The following SLC7A11 variants were observed in gnomAD, a reference collection of about 807,000 sequenced individuals.
SLC7A11 encodes the protein solute carrier family 7 member 11, also known as cystine/glutamate transporter.
SLC7A11 carries 35 observed loss-of-function variants against 54.5 expected under a neutral mutation model. The ratio of observed to expected loss-of-function variants is 0.64; its 90% CI spans 0.49 to 0.85. The LOEUF (loss-of-function observed/expected upper bound fraction) is 0.85, where lower values mean the gene tolerates loss of function less well. Ranked by LOEUF, SLC7A11 falls within the 40% of genes least tolerant of loss-of-function variation. The pLI is 0.00. For missense variants in SLC7A11, 583 were observed against 618.1 expected (o/e 0.94, Z 0.60); for synonymous variants, 230 against 225.2 (o/e 1.02, Z -0.19).
In SLC7A11 at chr4:138,223,183, G is replaced by T; in HGVS notation, c.646+16C>A. 2 of 1,601,708 alleles carry T rather than the reference G, an allele frequency of 1.2e-6. No homozygotes were observed. Among genetic ancestry groups the T allele is most frequent in the South Asian group, 2.2e-5 (2 of 90,220 alleles). On this transcript the variant is annotated intron_variant, in intron 4 of 11. Transcript: ENST00000280612. Reference sequence around the variant, plus strand: ...CAGATACGTATTTTAAAAAGCATTTGCTTTTCAGTCCATACCTTTAATTAG... The same window carrying T: ...CAGATACGTATTTTAAAAAGCATTTTCTTTTCAGTCCATACCTTTAATTAG...
At chr4:138,224,842 G>T (rs1016872855) in intron 3 of SLC7A11, among the ~76,000 whole-genome samples, 22 of 148,106 alleles carry the variant, frequency 1.5e-4, no homozygotes, top group Non-Finnish European at 9.0e-5. Flanking sequence ...AAGGAAGGAA[G>T]GAAGGAAGGA....
In SLC7A11 at chr4:138,236,303, ATTCT is replaced by A; in HGVS notation, c.404+18_404+21del. 1 of 1,584,842 alleles carries A rather than the reference ATTCT, an allele frequency of 6.3e-7. No individual in the cohort carries two copies. Among genetic ancestry groups the A allele is most frequent in the Non-Finnish European group, 8.5e-7 (1 of 1,170,210 alleles). On this transcript the variant is annotated intron_variant, in intron 2 of 11. Coordinates refer to ENST00000280612, the MANE Select transcript of SLC7A11 (RefSeq NM_014331.4). ...GAATGAATTGGTTTATTTTTTCTTA[ATTCT>A]TTCTACTATGCTCTTACCGTATTAT... is the stretch of plus-strand genomic sequence containing the variant.
intron 11 of SLC7A11, chr4:138,176,148 T>G (rs1369622195): frequency 6.6e-6 from 1 of 152,140 alleles, no homozygotes; most frequent in Non-Finnish European, 1.5e-5. Context: ...TACTTCCTAT[T>G]GCAGCAATAA....
chr4:138,176,447 G>A (rs1234921056), intron 11 of SLC7A11: 1 of 152,070 alleles, frequency 6.6e-6, no homozygotes, highest in Non-Finnish European at 1.5e-5. Flanking sequence ...ATTAGAGATA[G>A]AAAAATAGCA....
chr4:138,237,392 GT>G (rs897648735), intron 1 of SLC7A11, among the ~76,000 whole-genome samples: 4 of 148,046 alleles, frequency 2.7e-5, no homozygotes, highest in South Asian at 2.1e-4. Flanking sequence ...CTCTCTGGGT[GT>G]TTTTTTTTGT....
chr4:138,180,560 C>T (rs993640056), intron 10 of SLC7A11, 81 bp downstream of exon 10: 2 of 1,416,980 alleles, frequency 1.4e-6, no homozygotes, highest in African/African-American at 2.9e-5. Context: ...GCCCAACCTC[C>T]CCATCAGCAA....
At chr4:138,228,037 T>C (rs1011481266) in intron 3 of SLC7A11, among the ~76,000 whole-genome samples, 11 of 152,236 alleles carry the variant, frequency 7.2e-5, no homozygotes, top group African/African-American at 2.7e-4. Flanking sequence ...GATTTTCTTT[T>C]ATGTAATTTA....
intron 6 of SLC7A11, among the ~76,000 whole-genome samples, chr4:138,188,223 C>G (rs950889766): frequency 6.6e-6 from 1 of 152,110 alleles, no homozygotes; most frequent in Non-Finnish European, 1.5e-5. Context: ...TCACTATACC[C>G]AGCTAATTTT....
At chr4:138,190,994 T>G (rs1736996312) in intron 6 of SLC7A11, among the ~76,000 whole-genome samples, 1 of 152,098 alleles carries the variant, frequency 6.6e-6, no homozygotes, top group African/African-American at 2.4e-5. Context: ...TTCTACTGAG[T>G]GGGAATTTGG....
intron 2 of SLC7A11, among the ~76,000 whole-genome samples, chr4:138,234,748 A>G (rs1418536085): frequency 1.3e-5 from 2 of 152,188 alleles, no homozygotes; most frequent in East Asian, 3.8e-4. Flanking sequence ...TTTATATGGA[A>G]TGATCATGTT....
chr4:138,190,097 AG>A (rs1345115484), intron 6 of SLC7A11, among the ~76,000 whole-genome samples: 1 of 152,140 alleles, frequency 6.6e-6, no homozygotes, highest in African/African-American at 2.4e-5. Context: ...GGGGCATCTA[AG>A]CTTGTCTTTG....
chr4:138,224,919 G>A (rs372694794), intron 3 of SLC7A11, among the ~76,000 whole-genome samples: 2 of 151,620 alleles, frequency 1.3e-5, no homozygotes, highest in South Asian at 4.2e-4. Flanking sequence ...ATAAGTGATA[G>A]AACACTAAAT....
At chr4:138,217,285 A>G (rs1323625823) in intron 5 of SLC7A11, among the ~76,000 whole-genome samples, 1 of 152,240 alleles carries the variant, frequency 6.6e-6, no homozygotes, top group African/African-American at 2.4e-5. Context: ...ATATAAAGAA[A>G]TCAATGGTTT....
At position 138,223,101 on chromosome 4, in the gene SLC7A11, G is replaced by A. The variant is rs566563760; in HGVS notation, c.646+98C>T. 3.8e-6 allele frequency: 4 copies of A among 1,055,150 alleles called. No individual in the cohort carries two copies. In the Admixed American group the frequency reaches 8.5e-5, roughly 23 times the overall value. 65.4% of individuals were successfully genotyped at this position (1,055,150 alleles called of 1,614,324 possible). On this transcript the variant is annotated intron_variant, in intron 4 of 11. Coordinates refer to ENST00000280612, the MANE Select transcript of SLC7A11 (RefSeq NM_014331.4). ...ATAGAGTTTAAGTTCCACAGGCAGA[G>A]ACTAATTAAGGATTCTGTTAGTACA...
chr4:138,212,952 C>T (rs904562891), intron 6 of SLC7A11, among the ~76,000 whole-genome samples: 12 of 151,810 alleles, frequency 7.9e-5, no homozygotes, highest in African/African-American at 2.7e-4. Flanking sequence ...TACATAGTTA[C>T]GAACCATAGT....
chr4:138,200,467 A>G (rs1737249983), intron 6 of SLC7A11, among the ~76,000 whole-genome samples: 1 of 152,090 alleles, frequency 6.6e-6, no homozygotes, highest in African/African-American at 2.4e-5. Flanking sequence ...GCTCTGACAC[A>G]TTTTTAAAAG....
intron 6 of SLC7A11, among the ~76,000 whole-genome samples, chr4:138,206,263 C>T (rs1737402903): frequency 1.3e-5 from 2 of 150,618 alleles, no homozygotes; most frequent in South Asian, 2.1e-4. Flanking sequence ...CCTCTCTCTC[C>T]CTCCCTCCCT....
intron 1 of SLC7A11, among the ~76,000 whole-genome samples, chr4:138,237,579 G>A (rs1360319794): frequency 6.8e-6 from 1 of 147,882 alleles, no homozygotes; most frequent in Non-Finnish European, 1.5e-5. Flanking sequence ...CATATTTTTA[G>A]TAGAGACAGG....
At chr4:138,206,987 A>C (rs1737423470) in intron 6 of SLC7A11, among the ~76,000 whole-genome samples, 1 of 116,032 alleles carries the variant, frequency 8.6e-6, no homozygotes. Flanking sequence ...TATATTTTCT[A>C]AAGAAAAGCA....
Sources: gnomAD v4.1 joint callset for allele counts (sites outside exome capture counted in the v4.1 genomes callset) on GRCh38, gnomAD v4.1.1 for gene constraint, MANE v1.5 for transcripts, NCBI Gene and HGNC (gene_info 2026-07-23, HGNC 2026-07-21) for gene names.